Variants in DNAJC16 observed in about 807,000 individuals in gnomAD.
The protein encoded by DNAJC16 is DnaJ heat shock protein family (Hsp40) member C16, also known as dnaJ homolog subfamily C member 16.
In DNAJC16, 76 loss-of-function variants were observed where a neutral mutation model predicts 92.7. The observed-to-expected ratio is 0.82, with a 90% CI of 0.68 to 0.99. The LOEUF (loss-of-function observed/expected upper bound fraction) is 0.99. Among genes scored for constraint, DNAJC16 ranks in the 50% least tolerant of loss-of-function variants. The pLI, the probability that DNAJC16 is intolerant of heterozygous loss-of-function variation, is 0.00. For missense variants in DNAJC16, 869 were observed against 942.4 expected (o/e 0.92, Z 1.02); for synonymous variants, 328 against 358.7 (o/e 0.91, Z 0.97).
chr1:15,536,999 C>T (rs2103406438), intron 4 of DNAJC16, among the ~76,000 whole-genome samples, 185 bp downstream of exon 4: 1 of 152,142 alleles, frequency 6.6e-6, no homozygotes, highest in Non-Finnish European at 1.5e-5. Flanking sequence ...TACAGGCACC[C>T]ACCATCACGC....
intron 13 of DNAJC16, 105 bp downstream of exon 13, chr1:15,566,285 T>G: frequency 1.1e-6 from 1 of 898,314 alleles, no homozygotes; most frequent in South Asian, 1.6e-5. Flanking sequence ...AGAACTCTCA[T>G]GCACCTCCTC....
At chr1:15,549,733 G>A (rs1638398548) in intron 7 of DNAJC16, among the ~76,000 whole-genome samples, 1 of 147,432 alleles carries the variant, frequency 6.8e-6, no homozygotes, top group Non-Finnish European at 1.5e-5. Flanking sequence ...AGAATGGCGT[G>A]AACCCAGGAG....
At chr1:15,537,073 A>G (rs1302978499) in intron 4 of DNAJC16, among the ~76,000 whole-genome samples, 4 of 152,044 alleles carry the variant, frequency 2.6e-5, no homozygotes, top group Non-Finnish European at 5.9e-5. Flanking sequence ...CCGGCTTCAA[A>G]CTCCTGACCT....
rs1028142734 is a variant in DNAJC16 at position 15,570,957 on chromosome 1, A to C, written c.*2780A>C. On this transcript the variant is annotated 3_prime_UTR_variant, in exon 15 of 15. Transcript: ENST00000375847. ...TTGATACAGACTATGCATTGCGTTT[A>C]GCAGATGGGGTAAAACTGGCCTAAA... 3.3e-5 allele frequency: 5 copies of C among 152,044 alleles called. No individual in the cohort carries two copies. The highest frequency in any genetic ancestry group is 1.2e-4 in the African/African-American group (5 of 41,386). The allele number at this position is 152,044 out of a possible 1,614,324, so 9.4% of individuals were successfully genotyped here. A position where few individuals can be genotyped will look rare whatever the true frequency, so the allele number is the denominator to read the frequency against.
chr1:15,534,414 C>A, intron 3 of DNAJC16, 111 bp downstream of exon 3: 2 of 1,101,668 alleles, frequency 1.8e-6, no homozygotes, highest in Non-Finnish European at 2.6e-6. Context: ...GCCCTTGATG[C>A]AGTTTCTAGA....
chr1:15,570,672 G>A lies in DNAJC16; in HGVS notation c.*2495G>A, dbSNP rs887692225. 7 of 152,190 alleles carry A rather than the reference G, an allele frequency of 4.6e-5. No homozygotes were observed. Among genetic ancestry groups the A allele is most frequent in the Admixed American group, 1.3e-4 (2 of 15,260 alleles). The allele number at this position is 152,190 out of a possible 1,614,324, so 9.4% of individuals were successfully genotyped here. ...CAGCCCAAAAGCTCTTCTACAGACC[G>A]GTTTAGAGCTGGTGCCCTATGAGAA... On this transcript the variant is annotated 3_prime_UTR_variant, in exon 15 of 15. Transcript: ENST00000375847.
chr1:15,557,999 G>A (rs1378978609), intron 7 of DNAJC16, among the ~76,000 whole-genome samples: 1 of 151,140 alleles, frequency 6.6e-6, no homozygotes, highest in African/African-American at 2.4e-5. Context: ...TCCTGCCTCA[G>A]CCTCCTGAGT....
intron 7 of DNAJC16, 133 bp from the exon 8 acceptor site, chr1:15,559,393 G>A: frequency 1.7e-6 from 2 of 1,181,274 alleles, no homozygotes; most frequent in Non-Finnish European, 2.4e-6. Flanking sequence ...CGCTCAAACA[G>A]GTCTGTCTTG....
intron 3 of DNAJC16, 23 bp from the exon 4 acceptor site, chr1:15,536,452 T>C (rs767994524): frequency 6.5e-7 from 1 of 1,537,730 alleles, no homozygotes; most frequent in Non-Finnish European, 8.7e-7. Flanking sequence ...TGTTGTTGTT[T>C]AGATTTTTTT....
At chr1:15,537,883 A>G (rs950173150) in intron 4 of DNAJC16, among the ~76,000 whole-genome samples, 1 of 152,222 alleles carries the variant, frequency 6.6e-6, no homozygotes, top group African/African-American at 2.4e-5. Context: ...TGCTTCAGAA[A>G]TAAGTAAATC....
chr1:15,546,915 C>CTTTTTT (rs76961003), intron 6 of DNAJC16, 44 bp downstream of exon 6: 814 of 906,720 alleles, frequency 9.0e-4, no homozygotes, highest in South Asian at 3.2e-3. Context: ...CTTTTCTTTT[C>CTTTTTT]TTTTTTTTTT....
intron 7 of DNAJC16, among the ~76,000 whole-genome samples, chr1:15,554,733 T>C (rs964997883): frequency 2.0e-5 from 3 of 152,172 alleles, no homozygotes; most frequent in Non-Finnish European, 2.9e-5. Flanking sequence ...TGGTGTCTTA[T>C]TGGGTTTATA....
Position 15,569,614 on chromosome 1 carries a change from A to T in DNAJC16, c.*1437A>T, listed in dbSNP as rs1272749289. 2 of 150,320 alleles carry T rather than the reference A, an allele frequency of 1.3e-5. No homozygotes were observed. Among genetic ancestry groups the T allele is most frequent in the Non-Finnish European group, 3.0e-5 (2 of 67,744 alleles). 9.3% of individuals were successfully genotyped at this position (150,320 alleles called of 1,614,324 possible). ...GTGAAGGGTGAAAATCAGTGATGGGACATTTACTAAGTATTTCTTTTTTTT... is the reference window on the plus strand; with the variant it reads ...GTGAAGGGTGAAAATCAGTGATGGGTCATTTACTAAGTATTTCTTTTTTTT... On this transcript the variant is annotated 3_prime_UTR_variant, in exon 15 of 15. Coordinates refer to ENST00000375847, the MANE Select transcript of DNAJC16 (RefSeq NM_015291.4).
At position 15,568,176 on chromosome 1, in the gene DNAJC16, G is replaced by A; in HGVS notation, c.2348G>A (p.Ter783=). 1 of 1,594,242 alleles carries A rather than the reference G, an allele frequency of 6.3e-7. No individual in the cohort carries two copies. The highest frequency in any genetic ancestry group is 2.2e-5 in the East Asian group (1 of 44,604). The change falls in exon 15 of 15, where the codon TGA becomes TAA. Residue 783 remains the stop codon, a stop_retained_variant. Coordinates refer to ENST00000375847, the MANE Select transcript of DNAJC16 (RefSeq NM_015291.4). The part of the protein sequence containing the change: ...FYIPSWPELD[*] ...ATCCCATCATGGCCTGAACTAGACT[G>A]AGAGGATTTTCCAAAGAGATTTGAA... is the stretch of plus-strand genomic sequence containing the variant.
At chr1:15,564,159 TAC>T in intron 10 of DNAJC16, 48 bp downstream of exon 10, 1 of 1,605,696 alleles carries the variant, frequency 6.2e-7, no homozygotes, top group Non-Finnish European at 8.5e-7. Context: ...GGCTTGTGAG[TAC>T]ACAGTGCTGG....
In DNAJC16 at chr1:15,526,914, A is replaced by C. The variant is rs1460073906; in HGVS notation, c.-63A>C. ...GGGAAGCTCCCGGCCCGGCGAACTA[A>C]CTGGAGCACGGAGCTGCAGCCGGTT... is the stretch of plus-strand genomic sequence containing the variant. On this transcript the variant is annotated 5_prime_UTR_variant, in exon 1 of 15. Coordinates refer to ENST00000375847, the MANE Select transcript of DNAJC16 (RefSeq NM_015291.4). 1 of 152,354 alleles carries C rather than the reference A, an allele frequency of 6.6e-6. No individual in the cohort carries two copies. The highest frequency in any genetic ancestry group is 1.5e-5 in the Non-Finnish European group (1 of 68,114). 9.4% of individuals were successfully genotyped at this position (152,354 alleles called of 1,614,324 possible).
At chr1:15,562,390 C>T (rs912989297) in intron 9 of DNAJC16, 65 bp downstream of exon 9, 5 of 1,471,608 alleles carry the variant, frequency 3.4e-6, no homozygotes, top group Non-Finnish European at 4.6e-6. Flanking sequence ...ATTCTGTTTC[C>T]TTCTTCCTTG....
intron 4 of DNAJC16, among the ~76,000 whole-genome samples, chr1:15,539,447 C>T (rs1387719187): frequency 1.3e-5 from 2 of 151,768 alleles, no homozygotes; most frequent in Non-Finnish European, 2.9e-5. Flanking sequence ...GGGGTTTCAC[C>T]GTGTTAGCCA....
At position 15,562,294 on chromosome 1, in the gene DNAJC16, C is replaced by G; in HGVS notation, c.1307C>G (p.Pro436Arg). Reference sequence around the variant, plus strand: ...CAGGAGTTTGCCGACACCTTACTACCAGACAGTGAGGCGTTTCAAGGGAAA... The same window carrying G: ...CAGGAGTTTGCCGACACCTTACTACGAGACAGTGAGGCGTTTCAAGGGAAA... ...RQQEFADTLLPDSEAFQGKSA... is the reference protein window; with the variant it reads ...RQQEFADTLLRDSEAFQGKSA... Residue 436 changes from proline to arginine, a missense_variant, in exon 9 of 15, where the codon CCA becomes CGA. Coordinates refer to ENST00000375847, the MANE Select transcript of DNAJC16 (RefSeq NM_015291.4). The G allele has an allele frequency of 6.2e-7, 1 of 1,613,734 alleles. No homozygotes were observed. The highest frequency in any genetic ancestry group is 8.5e-7 in the Non-Finnish European group (1 of 1,179,718).
Sources: allele counts gnomAD v4.1 joint callset (sites outside exome capture counted in the v4.1 genomes callset), GRCh38; gene constraint gnomAD v4.1.1; transcripts MANE v1.5; gene names NCBI Gene and HGNC (gene_info 2026-07-23, HGNC 2026-07-21).